COLEC11: variants seen among roughly 807,000 people sequenced by gnomAD.
COLEC11 encodes collectin-11.
Under a neutral mutation model 27.3 loss-of-function variants are expected in COLEC11, and 20 were observed. The observed-to-expected ratio is 0.73, with a 90% confidence interval of 0.51 to 1.06. The LOEUF (loss-of-function observed/expected upper bound fraction) is 1.06, where lower values mean the gene tolerates loss of function less well. COLEC11 is among the 50% of genes least tolerant of loss of function. The probability of loss-of-function intolerance (pLI) is 0.00; values close to 1 mark genes in which losing one functional copy is unlikely to be tolerated. For missense variants in COLEC11, 310 were observed against 383.0 expected, an observed-to-expected ratio of 0.81 and a Z score of 1.59; for synonymous variants, 163 against 154.7, an observed-to-expected ratio of 1.05 and a Z score of -0.40.
chr2:3,636,620 G>A (rs990958827), intron 3 of COLEC11, among the ~76,000 whole-genome samples: 43 of 152,208 alleles, frequency 2.8e-4, no homozygotes, highest in African/African-American at 9.7e-4. Context: ...GTTAAATCAG[G>A]TTGCCTGTTT....
chr2:3,619,603 A>G (rs919613672), intron 3 of COLEC11, among the ~76,000 whole-genome samples: 17 of 152,214 alleles, frequency 1.1e-4, no homozygotes, highest in Admixed American at 1.0e-3. Context: ...CATCCCAGGC[A>G]TAAATTTTGC....
intron 5 of COLEC11, among the ~76,000 whole-genome samples, chr2:3,641,022 ACCCACCAT>A: frequency 1.4e-5 from 1 of 71,004 alleles, no homozygotes; most frequent in East Asian, 4.2e-4. Flanking sequence ...GTGGACACCC[ACCCACCAT>A]GTAGACCCCA....
intron 1 of COLEC11, among the ~76,000 whole-genome samples, chr2:3,596,836 C>T (rs1661869654): frequency 6.6e-6 from 1 of 152,182 alleles, no homozygotes; most frequent in South Asian, 2.1e-4. Context: ...TGGAATTCCT[C>T]TTCTAAGAAG....
At chr2:3,601,455 C>G (rs1235021049) in intron 1 of COLEC11, among the ~76,000 whole-genome samples, 1 of 152,172 alleles carries the variant, frequency 6.6e-6, no homozygotes, top group Non-Finnish European at 1.5e-5. Context: ...GTGCGTGACA[C>G]TACACCTGGC....
intron 2 of COLEC11, among the ~76,000 whole-genome samples, chr2:3,607,334 T>C (rs1191334021): frequency 6.6e-6 from 1 of 152,182 alleles, no homozygotes. Context: ...TTTTTAATGG[T>C]TAAAAAAATG....
At chr2:3,598,412 G>A (rs538936932) in intron 1 of COLEC11, among the ~76,000 whole-genome samples, 4 of 152,354 alleles carry the variant, frequency 2.6e-5, no homozygotes, top group South Asian at 2.1e-4. Context: ...GTGAACTTTC[G>A]TTCTGTTGTT....
At chr2:3,643,368 G>A (rs1666011151) in intron 5 of COLEC11, 76 bp from the exon 6 acceptor site, 8 of 1,226,168 alleles carry the variant, frequency 6.5e-6, no homozygotes, top group Admixed American at 3.4e-5. Flanking sequence ...GTGCATTTCC[G>A]GGGAGGGGTC....
At chr2:3,625,927 C>T in intron 3 of COLEC11, 4 of 1,278,192 alleles carry the variant, frequency 3.1e-6, no homozygotes, top group East Asian at 2.3e-5. Context: ...GCCGCCATAC[C>T]TGGCAGACTT....
At chr2:3,633,879 T>C (rs184269289) in intron 3 of COLEC11, among the ~76,000 whole-genome samples, 13 of 152,226 alleles carry the variant, frequency 8.5e-5, no homozygotes, top group African/African-American at 2.9e-4. Context: ...GGAAGACACA[T>C]GTTTCCTGCG....
intron 3 of COLEC11, among the ~76,000 whole-genome samples, chr2:3,616,190 C>T (rs1217393791): frequency 6.6e-6 from 1 of 150,998 alleles, no homozygotes; most frequent in Non-Finnish European, 1.5e-5. Flanking sequence ...CTCCCCACAT[C>T]TCAGACGATG....
chr2:3,605,920 C>A, intron 2 of COLEC11: 1 of 745,714 alleles, frequency 1.3e-6, no homozygotes, highest in Non-Finnish European at 2.1e-6. Flanking sequence ...CTGTTGGAAA[C>A]CAAGTGGACT....
At chr2:3,640,222 C>T (rs908192123) in intron 4 of COLEC11, 56 bp from the exon 5 acceptor site, 1 of 1,026,628 alleles carries the variant, frequency 9.7e-7, no homozygotes, top group African/African-American at 1.6e-5. Context: ...ATGTTTTTAA[C>T]ACATAGAACA....
intron 3 of COLEC11, among the ~76,000 whole-genome samples, chr2:3,637,217 G>A (rs1486624265): frequency 6.6e-6 from 1 of 152,152 alleles, no homozygotes; most frequent in African/African-American, 2.4e-5. Flanking sequence ...ACGAGCTCTC[G>A]TCTCACACAG....
rs1186091570 is a variant in COLEC11 at position 3,635,743 on chromosome 2, C to T, written c.203-1790C>T. 2.0e-5 allele frequency among the ~76,000 whole-genome samples: 3 copies of T among 152,336 alleles called. No individual in the cohort carries two copies. In the East Asian group the frequency reaches 5.8e-4, roughly 29 times the overall value. ...CAGCCTAGGTGCCATTAGGATCTCCCTCTGCCTCCCTCGTCCCTGCATCGT... is the reference window on the plus strand; with the variant it reads ...CAGCCTAGGTGCCATTAGGATCTCCTTCTGCCTCCCTCGTCCCTGCATCGT... On this transcript the variant is annotated intron_variant, in intron 3 of 6. Transcript: ENST00000349077.
intron 1 of COLEC11, among the ~76,000 whole-genome samples, chr2:3,598,918 A>G (rs1662040966): frequency 6.6e-6 from 1 of 152,236 alleles, no homozygotes; most frequent in Non-Finnish European, 1.5e-5. Context: ...ATGTGTCCAC[A>G]TTTGGTATAC....
intron 3 of COLEC11, among the ~76,000 whole-genome samples, chr2:3,633,888 C>G (rs11674413): frequency 0.13 from 20,373 of 152,166 alleles, 1,546 homozygotes; most frequent in East Asian, 0.32. Context: ...ATGTTTCCTG[C>G]GCAGACAGGG....
chr2:3,598,395 T>C (rs113959997), intron 1 of COLEC11, among the ~76,000 whole-genome samples: 41 of 152,362 alleles, frequency 2.7e-4, no homozygotes, highest in African/African-American at 9.1e-4. Flanking sequence ...CTATTTGCGA[T>C]GCAATTGTGA....
At chr2:3,605,685 T>C in intron 2 of COLEC11, 1 of 198,178 alleles carries the variant, frequency 5.0e-6, no homozygotes, top group Non-Finnish European at 1.0e-5. Context: ...GCCTTCAGCT[T>C]CTCCTGTGGA....
At position 3,629,732 on chromosome 2, in the gene COLEC11, A is replaced by T. The variant is rs534173430; in HGVS notation, c.203-7801A>T. On this transcript the variant is annotated intron_variant, in intron 3 of 6. Coordinates refer to ENST00000349077, the MANE Select transcript of COLEC11 (RefSeq NM_024027.5). Reference sequence around the variant, plus strand: ...CCTTTGTCTATGTATGTGCTGCTGGATGCCCTGTTTTGAGATAACAAAGCC... The same window carrying T: ...CCTTTGTCTATGTATGTGCTGCTGGTTGCCCTGTTTTGAGATAACAAAGCC... Among the ~76,000 whole-genome samples the T allele has an allele frequency of 6.6e-5, 10 of 152,280 alleles. No homozygotes were observed. The East Asian group carries it at 1.7e-3, about 26-fold the overall frequency.
Sources: gnomAD v4.1 joint callset for allele counts (sites outside exome capture counted in the v4.1 genomes callset) on GRCh38, gnomAD v4.1.1 for gene constraint, MANE v1.5 for transcripts, NCBI Gene and HGNC (gene_info 2026-07-23, HGNC 2026-07-21) for gene names.